ROBO2: variants seen among roughly 807,000 people sequenced by gnomAD.
ROBO2 encodes roundabout guidance receptor 2.
In ROBO2, 53 loss-of-function variants were observed where a neutral mutation model predicts 160.8. That is an observed-to-expected ratio of 0.33 (90% CI 0.26 to 0.41). The LOEUF is 0.41. Among genes scored for constraint, ROBO2 ranks in the 10% least tolerant of loss-of-function variants. The pLI is 1.00. For synonymous variants in ROBO2, 664 were observed against 611.7 expected, an observed-to-expected ratio of 1.09 and a Z score of -1.26; for missense variants, 1,577 against 1,722.4, an observed-to-expected ratio of 0.92 and a Z score of 1.49.
At chr3:76,769,541 T>C (rs905010715) in intron 2 of ROBO2, among the ~76,000 whole-genome samples, 5 of 151,432 alleles carry the variant, frequency 3.3e-5, no homozygotes, top group African/African-American at 1.2e-4. Flanking sequence ...AAGGCCAAAA[T>C]AACTATTGTC....
chr3:77,565,034 A>G (rs1298389774), exon 12 of ROBO2: 1 of 1,613,734 alleles, frequency 6.2e-7, no homozygotes, highest in Non-Finnish European at 8.5e-7. Flanking sequence ...CTGCGGCCCA[A>G]TACAATCTAC....
chr3:76,886,054 T>G (rs1208485115), intron 2 of ROBO2, among the ~76,000 whole-genome samples: 2 of 152,156 alleles, frequency 1.3e-5, no homozygotes, highest in Admixed American at 1.3e-4. Flanking sequence ...CAGCAGTTCA[T>G]GCCGCCTTTT....
intron 2 of ROBO2, among the ~76,000 whole-genome samples, chr3:77,292,023 G>T (rs1406791379): frequency 6.6e-6 from 1 of 150,688 alleles, no homozygotes; most frequent in Non-Finnish European, 1.5e-5. Context: ...GATCACCCCA[G>T]AAATAAAGTA....
At chr3:77,407,371 A>G (rs2076339557) in intron 2 of ROBO2, among the ~76,000 whole-genome samples, 2 of 152,196 alleles carry the variant, frequency 1.3e-5, no homozygotes, top group African/African-American at 4.8e-5. Context: ...TTATAAACAA[A>G]TATCATAAAA....
At chr3:77,085,956 T>A (rs1240360494) in intron 1 of ROBO2, among the ~76,000 whole-genome samples, 3 of 152,112 alleles carry the variant, frequency 2.0e-5, no homozygotes, top group Non-Finnish European at 4.4e-5. Context: ...GTTTATTTAA[T>A]ATCCCTTAGT....
intron 2 of ROBO2, among the ~76,000 whole-genome samples, chr3:77,001,088 G>T (rs572813251): frequency 5.9e-5 from 9 of 152,216 alleles, no homozygotes; most frequent in East Asian, 1.9e-4. Context: ...GGTGAATGTT[G>T]GTTTCACCTA....
chr3:77,198,835 G>A (rs1357603325), intron 2 of ROBO2, among the ~76,000 whole-genome samples: 1 of 152,000 alleles, frequency 6.6e-6, no homozygotes, highest in Non-Finnish European at 1.5e-5. Flanking sequence ...CCCGGGAGGT[G>A]GAGGTTGCAG....
intron 2 of ROBO2, among the ~76,000 whole-genome samples, chr3:76,545,617 C>A (rs576715577): frequency 6.6e-6 from 1 of 151,802 alleles, no homozygotes; most frequent in Non-Finnish European, 1.5e-5. Flanking sequence ...CTTTGACTCT[C>A]GTGAAATATG....
intron 2 of ROBO2, among the ~76,000 whole-genome samples, chr3:77,407,015 A>AG (rs1444165425): frequency 6.6e-6 from 1 of 152,122 alleles, no homozygotes; most frequent in Non-Finnish European, 1.5e-5. Flanking sequence ...ATATAGATAT[A>AG]GGGTCTTGCT....
chr3:76,811,333 T>C (rs1230105778), intron 2 of ROBO2, among the ~76,000 whole-genome samples: 1 of 152,178 alleles, frequency 6.6e-6, no homozygotes, highest in East Asian at 1.9e-4. Context: ...TTATTTCATG[T>C]TTGTTCATTT....
Position 76,026,623 on chromosome 3 carries a change from G to A in ROBO2, c.109+89021G>A, listed in dbSNP as rs555394192. Among the ~76,000 whole-genome samples the A allele has an allele frequency of 4.6e-5, 7 of 151,994 alleles. No individual in the cohort carries two copies. In the East Asian group the frequency reaches 1.4e-3, roughly 29 times the overall value. On this transcript the variant is annotated intron_variant, in intron 2 of 26. Transcript: ENST00000487694. ...TATGGTATGTACTATTGAATGTGTT[G>A]GAGATAAAGTAATAAACAAAAGTAC... is the stretch of plus-strand genomic sequence containing the variant.
rs374387934 is a variant in ROBO2, at chr3:76,726,340, TA to T, written c.110-371666del. ...AGAAATCGTTAATTATTAGTAGTTC[TA>T]AAAAAAATTAGGCTATGATTTTTTT... On this transcript the variant is annotated intron_variant, in intron 2 of 26. Transcript: ENST00000487694. Among the ~76,000 whole-genome samples the T allele has an allele frequency of 5.6e-3, 845 of 152,102 alleles. 6 individuals carry two copies. Among genetic ancestry groups the T allele is most frequent in the African/African-American group, 0.018 (761 of 41,486 alleles).
intron 1 of ROBO2, among the ~76,000 whole-genome samples, chr3:77,053,016 G>T (rs552446535): frequency 6.6e-6 from 1 of 152,136 alleles, no homozygotes; most frequent in Non-Finnish European, 1.5e-5. Context: ...GGCTGGTTCA[G>T]CATATGGGAT....
At chr3:76,651,306 G>A (rs905145573) in intron 2 of ROBO2, among the ~76,000 whole-genome samples, 2 of 151,990 alleles carry the variant, frequency 1.3e-5, no homozygotes, top group African/African-American at 4.8e-5. Context: ...TCCACTGGTG[G>A]ATCACCCACC....
At chr3:76,054,028 CAA>C (rs1343689171) in intron 2 of ROBO2, among the ~76,000 whole-genome samples, 1 of 151,928 alleles carries the variant, frequency 6.6e-6, no homozygotes, top group East Asian at 1.9e-4. Context: ...CTAAATTGAC[CAA>C]AGACATTAAC....
At chr3:76,284,531 A>G (rs1708413589) in intron 2 of ROBO2, among the ~76,000 whole-genome samples, 1 of 152,150 alleles carries the variant, frequency 6.6e-6, no homozygotes. Flanking sequence ...AGGATTATCC[A>G]TTCATTTTCC....
At chr3:76,921,681 GTTTC>G (rs905671389) in intron 2 of ROBO2, among the ~76,000 whole-genome samples, 65 of 152,084 alleles carry the variant, frequency 4.3e-4, no homozygotes, top group Middle Eastern at 3.4e-3. Flanking sequence ...TTTTTTGTTT[GTTTC>G]TTTCTTTCTT....
intron 2 of ROBO2, among the ~76,000 whole-genome samples, chr3:76,949,941 T>G (rs543862098): frequency 3.3e-5 from 5 of 152,350 alleles, no homozygotes; most frequent in South Asian, 2.1e-4. Context: ...TCAACCTATA[T>G]AAGATACATC....
In ROBO2 at chr3:76,802,277, C is replaced by T. The variant is rs532912860; in HGVS notation, c.110-295737C>T. On this transcript the variant is annotated intron_variant, in intron 2 of 26. Coordinates refer to the ROBO2 transcript ENST00000487694. ...CTGCAGAGTGCAATCAAGCGAAGCACAATAAAATGAGATTTTTCCCGTGTT... is the reference window on the plus strand; with the variant it reads ...CTGCAGAGTGCAATCAAGCGAAGCATAATAAAATGAGATTTTTCCCGTGTT... Among the ~76,000 whole-genome samples the T allele has an allele frequency of 3.9e-5, 6 of 152,240 alleles. No individual in the cohort carries two copies. The East Asian group carries it at 1.2e-3, about 29-fold the overall frequency.
Sources: allele counts gnomAD v4.1 joint callset (sites outside exome capture counted in the v4.1 genomes callset), GRCh38; gene constraint gnomAD v4.1.1; transcripts MANE v1.5; gene names NCBI Gene and HGNC (gene_info 2026-07-23, HGNC 2026-07-21).